Variants in PJVK observed in about 807,000 individuals in gnomAD.
The protein encoded by PJVK is autosomal recessive deafness type 59 protein.
Under a neutral mutation model 37.6 loss-of-function variants are expected in PJVK, and 33 were observed. The ratio of observed to expected loss-of-function variants is 0.88; its 90% CI spans 0.67 to 1.17. The LOEUF (loss-of-function observed/expected upper bound fraction) is 1.17. Among genes scored for constraint, PJVK ranks in the 50% most tolerant of loss-of-function variants. The probability of loss-of-function intolerance (pLI) is 0.00; values close to 1 mark genes in which losing one functional copy is unlikely to be tolerated. For missense variants in PJVK, 410 were observed against 413.8 expected (o/e 0.99, Z 0.08); for synonymous variants, 141 against 143.5 (o/e 0.98, Z 0.13).
rs751662949 is a variant in PJVK, at chr2:178,461,054, A to C, written c.839A>C (p.Lys280Thr). 1.7e-5 allele frequency: 27 copies of C among 1,614,052 alleles called. No individual in the cohort carries two copies. Among genetic ancestry groups the C allele is most frequent in the Non-Finnish European group, 2.3e-5 (27 of 1,180,016 alleles). ...GATCTTTTTTCTGACTACTATGACA[A>C]ACCTCTCAGCATGACTGATATTTCA... Reference protein sequence around the residue: ...LDDLFSDYYDKPLSMTDISLK... With the variant: ...LDDLFSDYYDTPLSMTDISLK... The change falls in exon 7 of 7, where the codon AAA becomes ACA. Residue 280 changes from lysine to threonine, a missense_variant. Lys to Thr is a moderately conservative substitution (Grantham distance 78). Transcript: ENST00000644580.
intron 3 of PJVK, 77 bp from the exon 4 acceptor site, chr2:178,455,933 C>T (rs1232501149): frequency 1.3e-6 from 2 of 1,536,600 alleles, no homozygotes; most frequent in Non-Finnish European, 1.8e-6. Context: ...ATGAATAACA[C>T]ATGATAGCAA....
chr2:178,459,132 C>G, intron 5 of PJVK: 1 of 470,602 alleles, frequency 2.1e-6, no homozygotes, highest in South Asian at 1.6e-5. Flanking sequence ...ATACTTCCTC[C>G]AAAATTGTCA....
chr2:178,452,225 A>G, intron 1 of PJVK: 4 of 891,812 alleles, frequency 4.5e-6, no homozygotes, highest in Non-Finnish European at 5.4e-6. Flanking sequence ...CCCGGGAGGC[A>G]AATGTTGCAG....
chr2:178,455,969 A>G (rs1684046533), intron 3 of PJVK, 41 bp from the exon 4 acceptor site: 1 of 1,605,040 alleles, frequency 6.2e-7, no homozygotes, highest in Non-Finnish European at 8.5e-7. Flanking sequence ...ATGTGTAATT[A>G]GATGTTATAG....
chr2:178,453,642 T>C (rs1260604472), intron 2 of PJVK, 22 bp downstream of exon 2: 8 of 1,584,604 alleles, frequency 5.0e-6, no homozygotes. Context: ...TGTTTGGGAG[T>C]GCCAACTCAT....
intron 4 of PJVK, among the ~76,000 whole-genome samples, chr2:178,457,732 G>T (rs1179651875): frequency 6.6e-6 from 1 of 152,178 alleles, no homozygotes; most frequent in African/African-American, 2.4e-5. Context: ...CCAGCAGTTT[G>T]CAGGTTCGAG....
At position 178,455,644 on chromosome 2, in the gene PJVK, A is replaced by T. The variant is rs576160034; in HGVS notation, c.408-366A>T. ...ACACATTAAAATGATTTGCCCAGCT[A>T]AAAAAAAAAAAAAACCACTTGGCTT... On this transcript the variant is annotated intron_variant, in intron 3 of 6. Coordinates refer to ENST00000644580, the MANE Select transcript of PJVK (RefSeq NM_001042702.5). Among the ~76,000 whole-genome samples the T allele has an allele frequency of 6.9e-3, 924 of 133,844 alleles. 8 individuals carry two copies. The highest frequency in any genetic ancestry group is 0.025 in the African/African-American group (887 of 35,698). The allele number at this position is 133,844 out of a possible 152,430, so 87.8% of individuals were successfully genotyped here.
At position 178,457,238 on chromosome 2, in the gene PJVK, T is replaced by C. The variant is rs1575119643; in HGVS notation, c.549+1087T>C. On this transcript the variant is annotated intron_variant, in intron 4 of 6. Coordinates refer to ENST00000644580, the MANE Select transcript of PJVK (RefSeq NM_001042702.5). ...TGAGCCACCGCGCCTGGCCTGAATT[T>C]ATATTTTTATATTCAAATAGTTTTT... Among the ~76,000 whole-genome samples, 5 of 152,328 alleles carry C rather than the reference T, an allele frequency of 3.3e-5. No homozygotes were observed. In the East Asian group the frequency reaches 9.7e-4, roughly 29 times the overall value.
chr2:178,455,153 G>A, intron 3 of PJVK: 1 of 1,601,174 alleles, frequency 6.2e-7, no homozygotes, highest in South Asian at 1.1e-5. Context: ...CGGCAAGGTG[G>A]TGACTGTGCA....
Position 178,451,781 on chromosome 2 carries a change from C to A in PJVK, c.-23+12C>A, listed in dbSNP as rs1043328277. 26 of 985,288 alleles carry A rather than the reference C, an allele frequency of 2.6e-5. No homozygotes were observed. The African/African-American group carries it at 4.5e-4, about 17-fold the overall frequency. 61.0% of individuals were successfully genotyped at this position (985,288 alleles called of 1,614,324 possible). A position where few individuals can be genotyped will look rare whatever the true frequency, so the allele number is the denominator to read the frequency against. ...AGATGGAACGCTGGGTCAGTGCATC[C>A]CAGCAAAACACGTTAGGAGTAAACG... is the stretch of plus-strand genomic sequence containing the variant. On this transcript the variant is annotated intron_variant, in intron 1 of 6. Coordinates refer to ENST00000644580, the MANE Select transcript of PJVK (RefSeq NM_001042702.5).
intron 6 of PJVK, among the ~76,000 whole-genome samples, chr2:178,460,716 G>T (rs1299510927): frequency 1.3e-5 from 2 of 151,928 alleles, no homozygotes; most frequent in Admixed American, 6.6e-5. Context: ...GGTTGCAGTG[G>T]TGTGCACCTG....
chr2:178,452,092 A>T (rs1035201072), intron 1 of PJVK, among the ~76,000 whole-genome samples: 31 of 152,228 alleles, frequency 2.0e-4, no homozygotes, highest in African/African-American at 7.0e-4. Flanking sequence ...AAGCAGTTCG[A>T]GACCAGCCTG....
chr2:178,455,196 G>A (rs1683967359), intron 3 of PJVK: 4 of 1,584,484 alleles, frequency 2.5e-6, no homozygotes, highest in Non-Finnish European at 3.5e-6. Context: ...GAGTGGTGGA[G>A]CCGCTTGGTG....
At chr2:178,460,520 A>C (rs1684423099) in intron 6 of PJVK, 74 bp downstream of exon 6, 7 of 1,342,814 alleles carry the variant, frequency 5.2e-6, no homozygotes, top group Non-Finnish European at 6.3e-6. Flanking sequence ...TTTTCTATTC[A>C]GTAATCTCAT....
At chr2:178,455,032 T>TGGC in intron 3 of PJVK, 1 of 1,161,294 alleles carries the variant, frequency 8.6e-7, no homozygotes, top group Non-Finnish European at 1.3e-6. Context: ...GACGTGGTGG[T>TGGC]GGCATCCAAC....
intron 2 of PJVK, 138 bp from the exon 3 acceptor site, chr2:178,454,194 C>A: frequency 1.5e-6 from 1 of 670,140 alleles, no homozygotes; most frequent in Non-Finnish European, 2.5e-6. Flanking sequence ...TGAATTACTA[C>A]TTTAAGTCTT....
chr2:178,458,505 T>C lies in PJVK; in HGVS notation c.550-5T>C. ...TTAATTATGTTATTTATTTATTCAA[T>C]ATAGTTTCACTTTATGGATGAACAG... On this transcript the variant is annotated splice_region_variant and splice_polypyrimidine_tract_variant and intron_variant, in intron 4 of 6. Transcript: ENST00000644580. 1 of 1,577,168 alleles carries C rather than the reference T, an allele frequency of 6.3e-7. No homozygotes were observed. Among genetic ancestry groups the C allele is most frequent in the South Asian group, 1.1e-5 (1 of 90,264 alleles).
intron 6 of PJVK, 68 bp downstream of exon 6, chr2:178,460,514 C>G: frequency 7.2e-7 from 1 of 1,381,714 alleles, no homozygotes; most frequent in Non-Finnish European, 1.0e-6. Context: ...ATGAGGTTTT[C>G]TATTCAGTAA....
rs1247328954 is a variant in PJVK, at chr2:178,453,619, T to C, written c.210T>C (p.Ala70=). 5.0e-6 allele frequency: 8 copies of C among 1,610,400 alleles called. No individual in the cohort carries two copies. Among genetic ancestry groups the C allele is most frequent in the Non-Finnish European group, 6.8e-6 (8 of 1,177,764 alleles). ...TCCTAGGAGACAGAGAAATTTCAGC[T>C]GGTAAGTTTAAATGTTTGGGAGTGC... The part of the protein sequence containing the change: ...DILLGDREIS[A]GISSYQLLNY... The change falls in exon 2 of 7, where the codon GCT becomes GCC. Residue 70 remains alanine, a splice_region_variant and synonymous_variant. Coordinates refer to ENST00000644580, the MANE Select transcript of PJVK (RefSeq NM_001042702.5).
Sources: gnomAD v4.1 joint callset for allele counts (sites outside exome capture counted in the v4.1 genomes callset) on GRCh38, gnomAD v4.1.1 for gene constraint, MANE v1.5 for transcripts, NCBI Gene and HGNC (gene_info 2026-07-23, HGNC 2026-07-21) for gene names.